Variants in TMEM26 observed in about 807,000 individuals in gnomAD.
TMEM26 encodes transmembrane protein 26.
A neutral mutation model predicts 28.8 loss-of-function variants in TMEM26; 38 were observed. The ratio of observed to expected loss-of-function variants is 1.32; its 90% CI spans 1.02 to 1.73. The LOEUF is 1.73. TMEM26 is among the 40% of genes most tolerant of loss of function. The pLI, the probability that TMEM26 is intolerant of heterozygous loss-of-function variation, is 0.00. For missense variants in TMEM26, 518 were observed against 447.1 expected, an observed-to-expected ratio of 1.16 and a Z score of -1.43; for synonymous variants, 227 against 182.9, an observed-to-expected ratio of 1.24 and a Z score of -1.95.
intron 4 of TMEM26, among the ~76,000 whole-genome samples, chr10:61,427,284 T>A (rs1334303686): frequency 6.6e-6 from 1 of 152,036 alleles, no homozygotes; most frequent in African/African-American, 2.4e-5. Context: ...TCTTGAAACA[T>A]TAAGTGCTCC....
At chr10:61,422,378 A>G (rs141508816) in intron 4 of TMEM26, among the ~76,000 whole-genome samples, 2 of 152,288 alleles carry the variant, frequency 1.3e-5, no homozygotes, top group African/African-American at 4.8e-5. Context: ...GTACACATGC[A>G]TCTCCAGATA....
intron 4 of TMEM26, among the ~76,000 whole-genome samples, chr10:61,428,420 C>A (rs1839866531): frequency 6.6e-6 from 1 of 152,074 alleles, no homozygotes; most frequent in Non-Finnish European, 1.5e-5. Flanking sequence ...TAAAATAAAA[C>A]CTCATCTGCC....
chr10:61,447,105 T>C (rs749921630), intron 1 of TMEM26, among the ~76,000 whole-genome samples: 3 of 152,166 alleles, frequency 2.0e-5, no homozygotes, highest in African/African-American at 4.8e-5. Flanking sequence ...AAATTGTTTA[T>C]CTTCTGGGAG....
Position 61,407,046 on chromosome 10 carries a change from C to T in TMEM26, c.*3276G>A, listed in dbSNP as rs1284152443. 2 of 151,996 alleles carry T rather than the reference C, an allele frequency of 1.3e-5. No homozygotes were observed. The highest frequency in any genetic ancestry group is 2.9e-5 in the Non-Finnish European group (2 of 67,974). The allele number at this position is 151,996 out of a possible 1,614,324, so 9.4% of individuals were successfully genotyped here. A position where few individuals can be genotyped will look rare whatever the true frequency, so the allele number is the denominator to read the frequency against. ...TTTGCGTCTCTGTAGTATACGTCAC[C>T]ATCCCTCTTTCTTAGCATTGGAGGA... On this transcript the variant is annotated 3_prime_UTR_variant, in exon 6 of 6. Transcript: ENST00000399298.
chr10:61,429,025 A>G lies in TMEM26; in HGVS notation c.506T>C (p.Ile169Thr). The G allele has an allele frequency of 6.2e-7, 1 of 1,613,300 alleles. No individual in the cohort carries two copies. ...AAGTTGAGAGAGTTGATCTCGAGTG[A>G]TCCCGCCTCCAATGGGTAGAAGCCA... ...GRWLLPIGGGITRDQLSQLLL... is the reference protein window; with the variant it reads ...GRWLLPIGGGTTRDQLSQLLL... Residue 169 changes from isoleucine to threonine, a missense_variant, in exon 4 of 6, where the codon ATC becomes ACC. By Grantham distance (89) the Ile-to-Thr change is moderately conservative (BLOSUM62 -1). Coordinates refer to ENST00000399298, the MANE Select transcript of TMEM26 (RefSeq NM_178505.8).
intron 5 of TMEM26, chr10:61,412,849 G>T: frequency 2.3e-6 from 2 of 866,816 alleles, no homozygotes; most frequent in Non-Finnish European, 3.3e-6. Context: ...CTAGATTATT[G>T]CTAGTATAAA....
intron 4 of TMEM26, among the ~76,000 whole-genome samples, chr10:61,417,011 T>C (rs1839662921): frequency 6.6e-6 from 1 of 152,046 alleles, no homozygotes; most frequent in Admixed American, 6.6e-5. Context: ...TTTGGAAAAG[T>C]AGATCAGAAA....
intron 1 of TMEM26, among the ~76,000 whole-genome samples, chr10:61,441,746 T>C (rs757876987): frequency 1.3e-5 from 2 of 152,192 alleles, no homozygotes; most frequent in African/African-American, 2.4e-5. Flanking sequence ...AATACCCTAT[T>C]ACCAGTGAGC....
chr10:61,431,389 G>C (rs906069993), intron 2 of TMEM26, 57 bp from the exon 3 acceptor site: 20 of 1,209,438 alleles, frequency 1.7e-5, no homozygotes, highest in Non-Finnish European at 2.3e-5. Flanking sequence ...ATATGGTAGA[G>C]ATCAAAATGA....
At chr10:61,428,375 C>A (rs1472639979) in intron 4 of TMEM26, among the ~76,000 whole-genome samples, 1 of 152,082 alleles carries the variant, frequency 6.6e-6, no homozygotes, top group South Asian at 2.1e-4. Context: ...AGCCTGTGGG[C>A]ACTTTGAACA....
chr10:61,418,214 A>C (rs1207347298), intron 4 of TMEM26, among the ~76,000 whole-genome samples: 4 of 152,068 alleles, frequency 2.6e-5, no homozygotes, highest in African/African-American at 9.7e-5. Context: ...AACTTTTCCT[A>C]CTGGAAAAGT....
At chr10:61,413,209 G>A (rs1839596474) in intron 5 of TMEM26, among the ~76,000 whole-genome samples, 2 of 151,994 alleles carry the variant, frequency 1.3e-5, no homozygotes, top group African/African-American at 2.4e-5. Flanking sequence ...CATAACTGAC[G>A]GAACTGCTAT....
chr10:61,447,795 G>T (rs976309600), intron 1 of TMEM26, among the ~76,000 whole-genome samples: 1 of 152,088 alleles, frequency 6.6e-6, no homozygotes, highest in Non-Finnish European at 1.5e-5. Context: ...CAGCTCAAAG[G>T]TCACATCCCC....
At chr10:61,415,131 G>T in intron 4 of TMEM26, 1 of 985,254 alleles carries the variant, frequency 1.0e-6, no homozygotes, top group Non-Finnish European at 1.2e-6. Flanking sequence ...ACACAATCAG[G>T]ATTCCAAAAG....
At chr10:61,449,698 A>C (rs574777443) in intron 1 of TMEM26, among the ~76,000 whole-genome samples, 19 of 152,146 alleles carry the variant, frequency 1.2e-4, no homozygotes, top group Middle Eastern at 3.2e-3. Flanking sequence ...ATATGTATAT[A>C]TTTTAGTCCA....
intron 5 of TMEM26, among the ~76,000 whole-genome samples, chr10:61,411,899 A>G (rs1034435903): frequency 5.9e-5 from 9 of 152,266 alleles, no homozygotes; most frequent in African/African-American, 1.9e-4. Flanking sequence ...GGAAAATACA[A>G]TAATGATTTA....
At chr10:61,416,377 A>C (rs1388420487) in intron 4 of TMEM26, among the ~76,000 whole-genome samples, 1 of 152,090 alleles carries the variant, frequency 6.6e-6, no homozygotes, top group Non-Finnish European at 1.5e-5. Context: ...TTCCAGATTG[A>C]TCAGTTATTA....
At chr10:61,415,591 A>C (rs1193669925) in intron 4 of TMEM26, among the ~76,000 whole-genome samples, 1 of 152,066 alleles carries the variant, frequency 6.6e-6, no homozygotes, top group African/African-American at 2.4e-5. Flanking sequence ...GAGTTGAGGA[A>C]ATTTGTCCAA....
intron 4 of TMEM26, chr10:61,415,216 G>T (rs1006949907): frequency 1.1e-6 from 1 of 943,524 alleles, no homozygotes; most frequent in Non-Finnish European, 1.3e-6. Context: ...CCATAAAAAA[G>T]GGCTCAAAGA....
Sources: gnomAD v4.1 joint callset for allele counts (sites outside exome capture counted in the v4.1 genomes callset) on GRCh38, gnomAD v4.1.1 for gene constraint, MANE v1.5 for transcripts, NCBI Gene and HGNC (gene_info 2026-07-23, HGNC 2026-07-21) for gene names.